The following CDK17 variants were observed in gnomAD, a reference collection of about 807,000 sequenced individuals.
The protein encoded by CDK17 is cyclin dependent kinase 17, also known as cyclin-dependent kinase 17.
In CDK17, 24 loss-of-function variants were observed where a neutral mutation model predicts 77.6. The ratio of observed to expected loss-of-function variants is 0.31; its 90% CI spans 0.22 to 0.44. The LOEUF is 0.44. Among genes scored for constraint, CDK17 ranks in the 20% least tolerant of loss-of-function variants. CDK17 has a pLI of 1.00. For missense variants in CDK17, 429 were observed against 622.5 expected (o/e 0.69, Z 3.31); for synonymous variants, 203 against 210.4 (o/e 0.96, Z 0.30).
chr12:96,289,407 G>A (rs1952290593), intron 10 of CDK17, 120 bp from the exon 11 acceptor site: 3 of 1,046,958 alleles, frequency 2.9e-6, no homozygotes, highest in Admixed American at 2.0e-5. Flanking sequence ...AGCTTCTTGA[G>A]GCTTCACCAC....
intron 1 of CDK17, among the ~76,000 whole-genome samples, chr12:96,379,479 G>A (rs80271926): frequency 0.015 from 2,245 of 151,794 alleles, 60 homozygotes; most frequent in African/African-American, 0.051. Context: ...AGGCTGGAGT[G>A]CAGTGCCATC....
At chr12:96,390,838 C>T (rs1954056304) in intron 1 of CDK17, among the ~76,000 whole-genome samples, 1 of 151,352 alleles carries the variant, frequency 6.6e-6, no homozygotes, top group Admixed American at 6.6e-5. Context: ...TGTGGCGGCT[C>T]AAACCTGTAA....
At chr12:96,289,105 C>A in intron 11 of CDK17, 62 bp downstream of exon 11, 2 of 1,522,890 alleles carry the variant, frequency 1.3e-6, no homozygotes, top group Non-Finnish European at 1.8e-6. Context: ...ATCAATACAT[C>A]TTGCATTAAC....
chr12:96,308,196 A>T (rs1368268503), intron 5 of CDK17, among the ~76,000 whole-genome samples: 2 of 149,004 alleles, frequency 1.3e-5, no homozygotes, highest in Non-Finnish European at 1.5e-5. Context: ...GGCATTTGAA[A>T]CCAGCATGGG....
At chr12:96,379,906 C>T (rs1953848094) in intron 1 of CDK17, among the ~76,000 whole-genome samples, 1 of 152,082 alleles carries the variant, frequency 6.6e-6, no homozygotes, top group Non-Finnish European at 1.5e-5. Context: ...CTGTAGCTAA[C>T]ATCTTTAATC....
chr12:96,399,762 C>T (rs951026118), intron 1 of CDK17, among the ~76,000 whole-genome samples: 4 of 152,110 alleles, frequency 2.6e-5, no homozygotes, highest in Non-Finnish European at 4.4e-5. Context: ...CCCACCCGAG[C>T]CCCGGAAATC....
chr12:96,339,802 C>T (rs914033361), intron 1 of CDK17, among the ~76,000 whole-genome samples: 3 of 151,776 alleles, frequency 2.0e-5, no homozygotes, highest in African/African-American at 2.4e-5. Flanking sequence ...TGGTGGTGCA[C>T]GCCTGTAATC....
chr12:96,368,673 T>C (rs1953630962), intron 1 of CDK17, among the ~76,000 whole-genome samples: 1 of 152,138 alleles, frequency 6.6e-6, no homozygotes, highest in African/African-American at 2.4e-5. Flanking sequence ...TTCCACATTT[T>C]CGTCTAATAT....
intron 1 of CDK17, among the ~76,000 whole-genome samples, chr12:96,347,683 C>T (rs891619775): frequency 1.3e-5 from 2 of 148,686 alleles, no homozygotes; most frequent in African/African-American, 5.0e-5. Context: ...TTGAACAGCA[C>T]TATATACCTA....
intron 7 of CDK17, among the ~76,000 whole-genome samples, chr12:96,298,033 G>A (rs910326252): frequency 1.3e-5 from 2 of 152,048 alleles, no homozygotes; most frequent in African/African-American, 4.8e-5. Context: ...GCTCATGCCT[G>A]TAATCCCAGC....
At chr12:96,292,937 G>A (rs572579057) in intron 10 of CDK17, among the ~76,000 whole-genome samples, 14 of 152,196 alleles carry the variant, frequency 9.2e-5, no homozygotes, top group Non-Finnish European at 1.9e-4. Flanking sequence ...ACGCCTTTCA[G>A]TAGTTGCTTC....
intron 14 of CDK17, 59 bp from the exon 15 acceptor site, chr12:96,282,658 G>T: frequency 9.4e-7 from 1 of 1,066,480 alleles, no homozygotes; most frequent in Non-Finnish European, 1.4e-6. Context: ...CAAAAAGTAG[G>T]AGATGGGCAA....
intron 1 of CDK17, among the ~76,000 whole-genome samples, chr12:96,352,214 A>G (rs557328991): frequency 1.3e-5 from 2 of 152,262 alleles, no homozygotes; most frequent in South Asian, 4.1e-4. Flanking sequence ...TTGAAGCTGA[A>G]TAAGGGAAGG....
intron 1 of CDK17, among the ~76,000 whole-genome samples, chr12:96,383,181 G>A (rs142212356): frequency 1.3e-5 from 2 of 152,040 alleles, no homozygotes; most frequent in East Asian, 3.9e-4. Context: ...AAAAAATGAA[G>A]TGCCTAGTAT....
intron 5 of CDK17, among the ~76,000 whole-genome samples, chr12:96,301,905 T>C (rs1238672071): frequency 2.0e-5 from 3 of 152,156 alleles, no homozygotes; most frequent in Admixed American, 6.5e-5. Flanking sequence ...TATCTTTTTG[T>C]TACAATGATA....
intron 3 of CDK17, among the ~76,000 whole-genome samples, chr12:96,323,293 AAC>A (rs1491390187): frequency 1.6e-4 from 23 of 145,934 alleles, no homozygotes; most frequent in African/African-American, 4.5e-4. Flanking sequence ...AACAAAAACA[AAC>A]AAACAAACAA....
chr12:96,296,431 T>A (rs1252309505), intron 9 of CDK17, among the ~76,000 whole-genome samples: 1 of 152,232 alleles, frequency 6.6e-6, no homozygotes, highest in African/African-American at 2.4e-5. Flanking sequence ...CCATATGTTC[T>A]GAGCTGTCTT....
intron 1 of CDK17, among the ~76,000 whole-genome samples, chr12:96,354,814 T>C (rs1188081626): frequency 6.6e-6 from 1 of 152,000 alleles, no homozygotes; most frequent in African/African-American, 2.4e-5. Context: ...AGCCCAGAAG[T>C]TTGAGACTGC....
intron 5 of CDK17, among the ~76,000 whole-genome samples, chr12:96,304,587 T>C (rs1307940423): frequency 6.6e-6 from 1 of 152,094 alleles, no homozygotes; most frequent in Non-Finnish European, 1.5e-5. Context: ...TTTTCAAACA[T>C]TCATTTCCCT....
Sources: allele counts gnomAD v4.1 joint callset (sites outside exome capture counted in the v4.1 genomes callset), GRCh38; gene constraint gnomAD v4.1.1; transcripts MANE v1.5; gene names NCBI Gene and HGNC (gene_info 2026-07-23, HGNC 2026-07-21).